MTDH: variants seen among roughly 807,000 people sequenced by gnomAD.
MTDH encodes the protein metadherin, also known as protein LYRIC.
In MTDH, 34 loss-of-function variants were observed where a neutral mutation model predicts 72.7. The ratio of observed to expected loss-of-function variants is 0.47; its 90% confidence interval spans 0.36 to 0.62. The LOEUF (loss-of-function observed/expected upper bound fraction) is 0.62. MTDH is among the 20% of genes least tolerant of loss of function. The probability of loss-of-function intolerance (pLI) is 0.00; values close to 1 mark genes in which losing one functional copy is unlikely to be tolerated. For synonymous variants in MTDH, 266 were observed against 268.9 expected, an observed-to-expected ratio of 0.99 and a Z score of 0.10; for missense variants, 677 against 699.4, an observed-to-expected ratio of 0.97 and a Z score of 0.36.
At chr8:97,718,731 G>GA (rs1442115711) in intron 9 of MTDH, among the ~76,000 whole-genome samples, 3 of 150,324 alleles carry the variant, frequency 2.0e-5, no homozygotes, top group African/African-American at 7.4e-5. Flanking sequence ...CTTTGAGACA[G>GA]AATCACCCAG....
chr8:97,672,188 T>G (rs1812652747), intron 2 of MTDH, among the ~76,000 whole-genome samples: 1 of 152,210 alleles, frequency 6.6e-6, no homozygotes, highest in Non-Finnish European at 1.5e-5. Context: ...CAGCCACACT[T>G]ATTTATTTAT....
chr8:97,660,986 G>T (rs1812153942), intron 1 of MTDH, 86 bp from the exon 2 acceptor site: 3 of 970,064 alleles, frequency 3.1e-6, no homozygotes, highest in Non-Finnish European at 4.7e-6. Context: ...GGATTTGATT[G>T]TAGTATATAT....
chr8:97,684,945 A>C (rs1365867354), intron 2 of MTDH, among the ~76,000 whole-genome samples: 1 of 152,234 alleles, frequency 6.6e-6, no homozygotes, highest in Admixed American at 6.5e-5. Context: ...GGGCACCTGT[A>C]ATCCCAGCTA....
intron 6 of MTDH, among the ~76,000 whole-genome samples, chr8:97,696,697 T>C (rs1813846420): frequency 6.6e-6 from 1 of 152,196 alleles, no homozygotes; most frequent in African/African-American, 2.4e-5. Flanking sequence ...TCCCACATAA[T>C]AACTATAAGT....
intron 8 of MTDH, among the ~76,000 whole-genome samples, chr8:97,706,964 G>T (rs1814380135): frequency 1.3e-5 from 2 of 152,038 alleles, no homozygotes; most frequent in Admixed American, 6.6e-5. Context: ...GGTCACAGAG[G>T]CTGACACCAA....
chr8:97,705,511 A>T (rs1449450457), intron 7 of MTDH, among the ~76,000 whole-genome samples: 1 of 152,224 alleles, frequency 6.6e-6, no homozygotes, highest in Non-Finnish European at 1.5e-5. Flanking sequence ...GAGGCAGGAG[A>T]ATCACTTGAA....
At chr8:97,650,255 C>T (rs965619132) in intron 1 of MTDH, among the ~76,000 whole-genome samples, 1 of 151,938 alleles carries the variant, frequency 6.6e-6, no homozygotes, top group Non-Finnish European at 1.5e-5. Flanking sequence ...CAGGCCCGGC[C>T]AGTTTCTTTT....
chr8:97,671,235 G>A (rs1821775862), intron 2 of MTDH, among the ~76,000 whole-genome samples: 1 of 152,096 alleles, frequency 6.6e-6, no homozygotes, highest in Admixed American at 6.6e-5. Flanking sequence ...CCAAAGTGCT[G>A]GGATTACAGG....
At position 97,724,977 on chromosome 8, in the gene MTDH, C is replaced by G. The variant is rs1429854189; in HGVS notation, c.*307C>G. On this transcript the variant is annotated 3_prime_UTR_variant, in exon 12 of 12. Coordinates refer to ENST00000336273, the MANE Select transcript of MTDH (RefSeq NM_178812.4). ...TGCCCTGTTTACAACAGATTGTGCC[C>G]TATCTCATCTGCAGCCGAGGAATAA... 1.1e-5 allele frequency: 2 copies of G among 184,608 alleles called. No homozygotes were observed. The highest frequency in any genetic ancestry group is 2.4e-5 in the African/African-American group (1 of 42,384). 11.4% of individuals were successfully genotyped at this position (184,608 alleles called of 1,614,324 possible).
intron 6 of MTDH, among the ~76,000 whole-genome samples, chr8:97,698,927 C>A (rs954024887): frequency 2.6e-5 from 4 of 151,910 alleles, no homozygotes; most frequent in African/African-American, 7.3e-5. Flanking sequence ...TCCCTGTAGA[C>A]CAGGAGTTCA....
rs1811508499 is a variant in MTDH, at chr8:97,644,965, C to A, written c.381+78C>A. On this transcript the variant is annotated intron_variant, in intron 1 of 11. Transcript: ENST00000336273. Reference sequence around the variant, plus strand: ...CCCTCGAGCTTGGGGGAGGCCGCGCCCCAGCCGGGAAGGAAAAGAGTGCTT... The same window carrying A: ...CCCTCGAGCTTGGGGGAGGCCGCGCACCAGCCGGGAAGGAAAAGAGTGCTT... The A allele has an allele frequency of 6.2e-6, 9 of 1,440,104 alleles. No homozygotes were observed. In the South Asian group the frequency reaches 1.4e-4, roughly 22 times the overall value. 89.2% of individuals were successfully genotyped at this position (1,440,104 alleles called of 1,614,324 possible).
chr8:97,708,323 C>T (rs1462730792), intron 8 of MTDH, among the ~76,000 whole-genome samples: 3 of 122,190 alleles, frequency 2.5e-5, no homozygotes, highest in African/African-American at 9.7e-5. Context: ...GCCCTGTCTC[C>T]CAGACTGGAG....
intron 8 of MTDH, among the ~76,000 whole-genome samples, 176 bp downstream of exon 8, chr8:97,706,926 A>T (rs1419584837): frequency 6.6e-6 from 1 of 152,160 alleles, no homozygotes; most frequent in Non-Finnish European, 1.5e-5. Context: ...TTATAAAAAT[A>T]AAATAAAGCA....
rs777779252 is a variant in MTDH, at chr8:97,728,043, CAG to C, written c.*3376_*3377del. ...TAAAGATACTGGAGGGCAATATTTA[CAG>C]AGTTTAGTTTTTCTTAATTAAAAAC... On this transcript the variant is annotated 3_prime_UTR_variant, in exon 12 of 12. Transcript: ENST00000336273. 2 of 152,092 alleles carry C rather than the reference CAG, an allele frequency of 1.3e-5. No individual in the cohort carries two copies. The highest frequency in any genetic ancestry group is 2.1e-4 in the South Asian group (1 of 4,830). The allele number at this position is 152,092 out of a possible 1,614,324, so 9.4% of individuals were successfully genotyped here.
At position 97,661,172 on chromosome 8, in the gene MTDH, A is replaced by C. The variant is rs549568849; in HGVS notation, c.482A>C (p.Lys161Thr). 3 of 1,607,258 alleles carry C rather than the reference A, an allele frequency of 1.9e-6. No individual in the cohort carries two copies. The highest frequency in any genetic ancestry group is 1.7e-6 in the Non-Finnish European group (2 of 1,176,150). ...CCAGAGATTGACAAGAAAAATGAAA[A>C]GGTAAGTTTGGGAGCATATGAAATT... Reference protein sequence around the residue: ...QPPEIDKKNEKSKKNKKKSKS... With the variant: ...QPPEIDKKNETSKKNKKKSKS... The change falls in exon 2 of 12, where the codon AAG becomes ACG. Residue 161 changes from lysine to threonine, a missense_variant and splice_region_variant. By Grantham distance (78) the Lys-to-Thr change is moderately conservative. Coordinates refer to ENST00000336273, the MANE Select transcript of MTDH (RefSeq NM_178812.4).
At position 97,690,365 on chromosome 8, in the gene MTDH, A is replaced by G. The variant is rs146531702; in HGVS notation, c.812-587A>G. On this transcript the variant is annotated intron_variant, in intron 5 of 11. Coordinates refer to ENST00000336273, the MANE Select transcript of MTDH (RefSeq NM_178812.4). ...ATGCCCATGATTCTCAACCCTGGCTACACATTAGTTATCCAGGAAGCTGTA... is the reference window on the plus strand; with the variant it reads ...ATGCCCATGATTCTCAACCCTGGCTGCACATTAGTTATCCAGGAAGCTGTA... Among the ~76,000 whole-genome samples the G allele has an allele frequency of 5.9e-3, 898 of 152,288 alleles. 6 individuals are homozygous for G. The highest frequency in any genetic ancestry group is 0.02 in the African/African-American group (822 of 41,562).
chr8:97,653,634 T>G (rs1389629732), intron 1 of MTDH, among the ~76,000 whole-genome samples: 1 of 152,178 alleles, frequency 6.6e-6, no homozygotes, highest in African/African-American at 2.4e-5. Flanking sequence ...CTATGAACAT[T>G]CATTTTTGTT....
Position 97,720,576 on chromosome 8 carries a change from G to A in MTDH, c.1521+1387G>A, listed in dbSNP as rs189026373. Among the ~76,000 whole-genome samples, 192 of 149,964 alleles carry A rather than the reference G, an allele frequency of 1.3e-3. 1 individual carries two copies. The highest frequency in any genetic ancestry group is 2.4e-3 in the Admixed American group (36 of 15,086). ...GGGCGACAAAGTGAGACTTTGTGAA[G>A]AAGAATATATATATATTTATTTATT... On this transcript the variant is annotated intron_variant, in intron 10 of 11. Transcript: ENST00000336273.
intron 6 of MTDH, among the ~76,000 whole-genome samples, chr8:97,698,423 A>G (rs1813963683): frequency 6.6e-6 from 1 of 152,198 alleles, no homozygotes; most frequent in African/African-American, 2.4e-5. Flanking sequence ...CCAAAACTAT[A>G]TGCAGAATTT....
Sources: gnomAD v4.1 joint callset for allele counts (sites outside exome capture counted in the v4.1 genomes callset) on GRCh38, gnomAD v4.1.1 for gene constraint, MANE v1.5 for transcripts, NCBI Gene and HGNC (gene_info 2026-07-23, HGNC 2026-07-21) for gene names.